Variants in UNC5D observed in about 807,000 individuals in gnomAD.
UNC5D encodes the protein unc-5 netrin receptor D.
Under a neutral mutation model 105.4 loss-of-function variants are expected in UNC5D, and 39 were observed. That is an observed-to-expected ratio of 0.37 (90% CI 0.29 to 0.48). The LOEUF (loss-of-function observed/expected upper bound fraction) is 0.48. UNC5D is among the 20% of genes least tolerant of loss of function. The probability of loss-of-function intolerance (pLI) is 0.98; values close to 1 mark genes in which losing one functional copy is unlikely to be tolerated. For missense variants in UNC5D, 991 were observed against 1,202.4 expected (o/e 0.82, Z 2.60); for synonymous variants, 452 against 450.4 (o/e 1.00, Z -0.04).
intron 1 of UNC5D, among the ~76,000 whole-genome samples, chr8:35,476,792 C>T (rs1049074286): frequency 1.3e-5 from 2 of 152,186 alleles, no homozygotes; most frequent in African/African-American, 4.8e-5. Flanking sequence ...AAAGCTCAGG[C>T]TGGAAAATAA....
intron 1 of UNC5D, among the ~76,000 whole-genome samples, chr8:35,472,270 AGAG>A (rs1341044762): frequency 2.0e-5 from 3 of 152,108 alleles, no homozygotes; most frequent in African/African-American, 4.8e-5. Context: ...TCTACTCACA[AGAG>A]GAGAAGGTTT....
intron 1 of UNC5D, among the ~76,000 whole-genome samples, chr8:35,286,854 C>A (rs1486783830): frequency 1.3e-5 from 2 of 152,144 alleles, no homozygotes; most frequent in East Asian, 1.9e-4. Context: ...AGCATGGGAG[C>A]CTGTCATACA....
intron 1 of UNC5D, among the ~76,000 whole-genome samples, chr8:35,463,342 C>T (rs1005324446): frequency 2.6e-5 from 4 of 152,230 alleles, no homozygotes; most frequent in South Asian, 2.1e-4. Context: ...TATGGAAATA[C>T]GACAGTTTTA....
chr8:35,563,249 C>G (rs1240418868), intron 2 of UNC5D, among the ~76,000 whole-genome samples: 1 of 150,852 alleles, frequency 6.6e-6, no homozygotes, highest in Non-Finnish European at 1.5e-5. Flanking sequence ...CATGGAATAT[C>G]TTTACTTTTG....
intron 1 of UNC5D, among the ~76,000 whole-genome samples, chr8:35,275,900 A>C (rs756001363): frequency 6.6e-6 from 1 of 152,322 alleles, no homozygotes; most frequent in Admixed American, 6.5e-5. Flanking sequence ...TGGAAACAAA[A>C]TAGTTTAACA....
chr8:35,479,433 AC>A (rs1810328944), intron 1 of UNC5D, among the ~76,000 whole-genome samples: 2 of 152,312 alleles, frequency 1.3e-5, no homozygotes, highest in Admixed American at 6.5e-5. Flanking sequence ...CAGCAATCCC[AC>A]TATTGTGTAT....
intron 1 of UNC5D, among the ~76,000 whole-genome samples, chr8:35,412,592 A>G (rs1444170429): frequency 1.3e-5 from 2 of 152,064 alleles, no homozygotes; most frequent in Admixed American, 6.6e-5. Context: ...TATCTTTAAT[A>G]TGATAAAAGT....
chr8:35,409,333 T>A (rs1174756450), intron 1 of UNC5D, among the ~76,000 whole-genome samples: 1 of 152,094 alleles, frequency 6.6e-6, no homozygotes, highest in Non-Finnish European at 1.5e-5. Flanking sequence ...CTGTACCATA[T>A]TTCATTCTGC....
At chr8:35,721,230 C>T (rs1159515996) in intron 8 of UNC5D, among the ~76,000 whole-genome samples, 1 of 152,014 alleles carries the variant, frequency 6.6e-6, no homozygotes, top group African/African-American at 2.4e-5. Context: ...CATTTTCACA[C>T]ACCTTCTAAG....
chr8:35,360,456 T>C (rs909031514), intron 1 of UNC5D, among the ~76,000 whole-genome samples: 3 of 152,224 alleles, frequency 2.0e-5, no homozygotes, highest in African/African-American at 7.2e-5. Context: ...ATGTGGGCTC[T>C]GGTCTTGGGC....
chr8:35,471,762 C>T (rs960200263), intron 1 of UNC5D, among the ~76,000 whole-genome samples: 2 of 152,072 alleles, frequency 1.3e-5, no homozygotes, highest in Admixed American at 6.6e-5. Flanking sequence ...ATTACACAAA[C>T]GCATACTGGT....
intron 16 of UNC5D, among the ~76,000 whole-genome samples, chr8:35,776,231 G>A (rs752776298): frequency 6.6e-6 from 1 of 152,152 alleles, no homozygotes; most frequent in African/African-American, 2.4e-5. Flanking sequence ...TTCTAGAAAT[G>A]CAATTGAATC....
chr8:35,644,599 A>G (rs1822937478), intron 4 of UNC5D, among the ~76,000 whole-genome samples: 1 of 152,162 alleles, frequency 6.6e-6, no homozygotes, highest in Non-Finnish European at 1.5e-5. Context: ...TATCAGACTG[A>G]AAATAACTGA....
In UNC5D at chr8:35,431,767, A is replaced by G. The variant is rs570940811; in HGVS notation, c.104-117525A>G. On this transcript the variant is annotated intron_variant, in intron 1 of 16. Coordinates refer to ENST00000404895, the MANE Select transcript of UNC5D (RefSeq NM_080872.4). ...GGTATTATTTTTGATATCACAGTAC[A>G]TAGTTTTCAGTCTATATTTCGATAA... Among the ~76,000 whole-genome samples the G allele has an allele frequency of 6.6e-5, 10 of 152,234 alleles. No homozygotes were observed. In the South Asian group the frequency reaches 2.1e-3, roughly 32 times the overall value.
chr8:35,417,472 C>T (rs1288412492), intron 1 of UNC5D, among the ~76,000 whole-genome samples: 1 of 150,236 alleles, frequency 6.7e-6, no homozygotes, highest in Admixed American at 6.6e-5. Context: ...ATTGATGTGG[C>T]TAAGGAGTGG....
At chr8:35,603,790 T>G (rs1404136610) in intron 4 of UNC5D, among the ~76,000 whole-genome samples, 1 of 152,186 alleles carries the variant, frequency 6.6e-6, no homozygotes, top group Non-Finnish European at 1.5e-5. Context: ...CCCTTTACTA[T>G]TATGTAATGG....
intron 1 of UNC5D, among the ~76,000 whole-genome samples, chr8:35,384,167 C>T (rs900910450): frequency 1.0e-4 from 15 of 148,896 alleles, no homozygotes; most frequent in African/African-American, 2.0e-4. Flanking sequence ...TGCAGTAAGC[C>T]GAGATCGTGC....
At chr8:35,694,770 C>G (rs575275938) in intron 7 of UNC5D, among the ~76,000 whole-genome samples, 1 of 151,998 alleles carries the variant, frequency 6.6e-6, no homozygotes, top group South Asian at 2.1e-4. Context: ...AGCTGGAGTT[C>G]AGTGGCACAA....
At chr8:35,742,641 C>T (rs1187241907) in intron 11 of UNC5D, among the ~76,000 whole-genome samples, 1 of 152,138 alleles carries the variant, frequency 6.6e-6, no homozygotes, top group East Asian at 1.9e-4. Flanking sequence ...ACAGTAAAAA[C>T]CTCATATTGG....
Sources: allele counts gnomAD v4.1 joint callset (sites outside exome capture counted in the v4.1 genomes callset), GRCh38; gene constraint gnomAD v4.1.1; transcripts MANE v1.5; gene names NCBI Gene and HGNC (gene_info 2026-07-23, HGNC 2026-07-21).